AIF1L: variants seen among roughly 807,000 people sequenced by gnomAD.
The protein encoded by AIF1L is allograft inflammatory factor 1-like.
In AIF1L, 12 loss-of-function variants were observed where a neutral mutation model predicts 20.7. That is an observed-to-expected ratio of 0.58 (90% CI 0.37 to 0.94). The LOEUF (loss-of-function observed/expected upper bound fraction) is 0.94. Ranked by LOEUF, AIF1L falls within the 40% of genes least tolerant of loss-of-function variation. The probability of loss-of-function intolerance (pLI) is 0.01; values close to 1 mark genes in which losing one functional copy is unlikely to be tolerated. For missense variants in AIF1L, 173 were observed against 185.3 expected (o/e 0.93, Z 0.39); for synonymous variants, 76 against 65.1 (o/e 1.17, Z -0.81).
rs950448917 is a variant in AIF1L at position 131,121,005 on chromosome 9, C to T, written c.*683C>T. On this transcript the variant is annotated 3_prime_UTR_variant, in exon 6 of 6. Coordinates refer to ENST00000247291, the MANE Select transcript of AIF1L (RefSeq NM_031426.4). ...ACCTGTGCAGGCAGCTGAGAGGCAG[C>T]GTGCAGCCCTACTGTCCCTTACTGG... is the stretch of plus-strand genomic sequence containing the variant. 33 of 632,624 alleles carry T rather than the reference C, an allele frequency of 5.2e-5. No homozygotes were observed. The highest frequency in any genetic ancestry group is 3.1e-4 in the East Asian group (11 of 35,442). 39.2% of individuals were successfully genotyped at this position (632,624 alleles called of 1,614,324 possible).
chr9:131,120,284 G>C lies in AIF1L; in HGVS notation c.415G>C (p.Gly139Arg). ...CAACGAGAGCAGCCCCAAGCCAGTT[G>C]GCCCCCCTCCAGAGAGAGACATTGC... is the stretch of plus-strand genomic sequence containing the variant. ...KANESSPKPV[G>R]PPPERDIASL... is the part of the protein sequence containing the mutation. Residue 139 changes from glycine (G) to arginine (R), a missense_variant, in exon 6 of 6, where the codon GGC becomes CGC. By Grantham distance (125) the Gly-to-Arg change is moderately radical. Transcript: ENST00000247291. 6.2e-7 allele frequency: 1 copy of C among 1,613,512 alleles called. No individual in the cohort carries two copies. The highest frequency in any genetic ancestry group is 8.5e-7 in the Non-Finnish European group (1 of 1,179,840).
chr9:131,112,822 C>G (rs1830923592), intron 3 of AIF1L, among the ~76,000 whole-genome samples: 1 of 152,172 alleles, frequency 6.6e-6, no homozygotes, highest in Admixed American at 6.5e-5. Flanking sequence ...GCAGTCTATT[C>G]CCTTCTGTCT....
chr9:131,109,222 GA>G (rs546403949), intron 2 of AIF1L, among the ~76,000 whole-genome samples: 110,898 of 148,394 alleles, frequency 0.75, 41,802 homozygotes, highest in South Asian at 0.85. Flanking sequence ...ATGAATGAAT[GA>G]AGGAGCAATG....
At chr9:131,106,931 A>G (rs1357041987) in intron 2 of AIF1L, among the ~76,000 whole-genome samples, 1 of 152,124 alleles carries the variant, frequency 6.6e-6, no homozygotes, top group East Asian at 1.9e-4. Context: ...CCGCATCTCT[A>G]CTAAAACAAA....
intron 3 of AIF1L, among the ~76,000 whole-genome samples, chr9:131,112,646 AG>A (rs1201397572): frequency 1.3e-5 from 2 of 152,148 alleles, no homozygotes; most frequent in Admixed American, 1.3e-4. Context: ...TAGCTCGCCT[AG>A]GGCAGAGTTG....
In AIF1L at chr9:131,120,691, G is replaced by T. The variant is rs571993951; in HGVS notation, c.*369G>T. ...CAGAAAGTCTCCAAGCCAAGTTCAG[G>T]CTCACTGACCTGGCTCTGACGAGGA... On this transcript the variant is annotated 3_prime_UTR_variant, in exon 6 of 6. Coordinates refer to ENST00000247291, the MANE Select transcript of AIF1L (RefSeq NM_031426.4). 5.3e-5 allele frequency: 16 copies of T among 300,716 alleles called. No individual in the cohort carries two copies. Among genetic ancestry groups the T allele is most frequent in the Admixed American group, 4.8e-4 (10 of 20,860 alleles). The allele number at this position is 300,716 out of a possible 1,614,324, so 18.6% of individuals were successfully genotyped here. A position where few individuals can be genotyped will look rare whatever the true frequency, so the allele number is the denominator to read the frequency against.
intron 4 of AIF1L, among the ~76,000 whole-genome samples, chr9:131,117,339 G>A (rs920899225): frequency 3.9e-5 from 6 of 152,130 alleles, no homozygotes; most frequent in African/African-American, 1.4e-4. Flanking sequence ...AGGAGAGTGG[G>A]CACCCAGCCC....
In AIF1L at chr9:131,114,615, A is replaced by G; in HGVS notation, c.199A>G (p.Ile67Val). 6.2e-7 allele frequency: 1 copy of G among 1,614,106 alleles called. No homozygotes were observed. Among genetic ancestry groups the G allele is most frequent in the Non-Finnish European group, 8.5e-7 (1 of 1,179,954 alleles). Residue 67 changes from isoleucine to valine, a missense_variant, in exon 4 of 6, where the codon ATT becomes GTT. Coordinates refer to ENST00000247291, the MANE Select transcript of AIF1L (RefSeq NM_031426.4). Reference sequence around the variant, plus strand: ...GTTTGACCTGAACAATGAAGGCGAGATTGGTGAGTGAAGCCTTGAGTGTGT... The same window carrying G: ...GTTTGACCTGAACAATGAAGGCGAGGTTGGTGAGTGAAGCCTTGAGTGTGT... ...MEFDLNNEGE[I>V]DLMSLKRMME...
chr9:131,116,188 A>G (rs2133404424), intron 4 of AIF1L, among the ~76,000 whole-genome samples: 1 of 152,236 alleles, frequency 6.6e-6, no homozygotes, highest in South Asian at 2.1e-4. Flanking sequence ...CTTGAAAAAA[A>G]TAACTTTCTA....
At chr9:131,097,238 C>G (rs918965855) in intron 2 of AIF1L, among the ~76,000 whole-genome samples, 3 of 152,168 alleles carry the variant, frequency 2.0e-5, no homozygotes, top group Non-Finnish European at 4.4e-5. Flanking sequence ...ACACAGGCTC[C>G]GGGTCATTTG....
intron 3 of AIF1L, among the ~76,000 whole-genome samples, chr9:131,113,481 G>A (rs1490332514): frequency 9.2e-6 from 1 of 108,770 alleles, no homozygotes; most frequent in Non-Finnish European, 1.7e-5. Flanking sequence ...CTTGGTGACA[G>A]AATGAGACTC....
At chr9:131,119,415 C>T (rs1831085649) in intron 5 of AIF1L, among the ~76,000 whole-genome samples, 1 of 151,550 alleles carries the variant, frequency 6.6e-6, no homozygotes, top group African/African-American at 2.4e-5. Context: ...GCAGGAGAAT[C>T]ACTTGAGCCC....
intron 2 of AIF1L, among the ~76,000 whole-genome samples, chr9:131,099,562 T>A (rs1830594209): frequency 3.9e-5 from 6 of 152,206 alleles, no homozygotes. Context: ...AAAGCCCTGC[T>A]TCTGTGCCAG....
chr9:131,119,481 G>T (rs1831087316), intron 5 of AIF1L, among the ~76,000 whole-genome samples: 1 of 142,618 alleles, frequency 7.0e-6, no homozygotes, highest in Non-Finnish European at 1.5e-5. Flanking sequence ...AGCCTGGGCG[G>T]CAAGAACAAA....
chr9:131,107,276 TTCA>T (rs1179699637), intron 2 of AIF1L, among the ~76,000 whole-genome samples: 3 of 152,092 alleles, frequency 2.0e-5, no homozygotes, highest in Admixed American at 2.0e-4. Flanking sequence ...GGCCTTGCTC[TTCA>T]TCCCTGCCTG....
intron 2 of AIF1L, 159 bp from the exon 3 acceptor site, chr9:131,111,438 C>T: frequency 1.4e-6 from 1 of 693,218 alleles, no homozygotes; most frequent in Admixed American, 2.2e-5. Flanking sequence ...TGCAGATCTG[C>T]CTCCAAGGGG....
At chr9:131,109,322 G>T (rs1299343396) in intron 2 of AIF1L, among the ~76,000 whole-genome samples, 1 of 152,176 alleles carries the variant, frequency 6.6e-6, no homozygotes, top group Non-Finnish European at 1.5e-5. Context: ...ACTTTGGGAG[G>T]TCGAGGTGGG....
chr9:131,113,064 C>G (rs778734871), intron 3 of AIF1L, among the ~76,000 whole-genome samples: 1 of 152,000 alleles, frequency 6.6e-6, no homozygotes, highest in Non-Finnish European at 1.5e-5. Flanking sequence ...TGTTCTCGCT[C>G]GGGGGGCGGT....
intron 5 of AIF1L, among the ~76,000 whole-genome samples, chr9:131,119,811 C>T (rs1325913341): frequency 6.6e-6 from 1 of 152,170 alleles, no homozygotes; most frequent in Non-Finnish European, 1.5e-5. Flanking sequence ...AGGTTATACG[C>T]TGAGCCCCTA....
Sources: allele counts gnomAD v4.1 joint callset (sites outside exome capture counted in the v4.1 genomes callset), GRCh38; gene constraint gnomAD v4.1.1; transcripts MANE v1.5; gene names NCBI Gene and HGNC (gene_info 2026-07-23, HGNC 2026-07-21).